Variants in ASPSCR1 observed in about 807,000 individuals in gnomAD.
The protein encoded by ASPSCR1 is tether containing UBX domain for GLUT4.
Under a neutral mutation model 68.9 loss-of-function variants are expected in ASPSCR1, and 55 were observed. The ratio of observed to expected loss-of-function variants is 0.80; its 90% confidence interval spans 0.64 to 1.00. The LOEUF (loss-of-function observed/expected upper bound fraction) is 1.00. ASPSCR1 is among the 50% of genes least tolerant of loss of function. ASPSCR1 has a pLI of 0.00. For missense variants in ASPSCR1, 765 were observed against 762.2 expected (o/e 1.00, Z -0.04); for synonymous variants, 352 against 332.6 (o/e 1.06, Z -0.63).
At chr17:82,010,102 A>T (rs141833216) in intron 9 of ASPSCR1, 2,673 of 208,044 alleles carry the variant, frequency 0.013, 26 homozygotes, top group Middle Eastern at 0.021. Context: ...TTTTTTTTTT[A>T]CTAGAGATGG....
In ASPSCR1 at chr17:81,990,291, G is replaced by A. The variant is rs746600244; in HGVS notation, c.375-4530G>A. On this transcript the variant is annotated intron_variant, in intron 4 of 15. Transcript: ENST00000306739. The surrounding 1 kb of genome is among the most constrained non-coding windows in gnomAD (Gnocchi z 4.1). ...GCATCTCGGTCTGGGCCGGGTCCTC[G>A]TGGACTGGGCGCTCTCCACTCTGCT... is the stretch of plus-strand genomic sequence containing the variant. Among the ~76,000 whole-genome samples, 2 of 152,202 alleles carry A rather than the reference G, an allele frequency of 1.3e-5. No homozygotes were observed. The highest frequency in any genetic ancestry group is 4.8e-5 in the African/African-American group (2 of 41,438).
chr17:82,009,276 C>T (rs1441072278), intron 8 of ASPSCR1, 85 bp downstream of exon 8: 2 of 1,473,038 alleles, frequency 1.4e-6, no homozygotes, highest in Non-Finnish European at 1.8e-6. Context: ...TCCCCAGTGC[C>T]AGCACTGGCT....
rs145675837 is a variant in ASPSCR1, at chr17:81,985,555, T to C, written c.322T>C (p.Phe108Leu). ...CGATGGCTCGAGGTTGCAGGACTCT[T>C]TCTGTTCAGGCCAGACCCTCTGGGA... ...LDDGSRLQDSFCSGQTLWELL... is the reference protein window; with the variant it reads ...LDDGSRLQDSLCSGQTLWELL... The change falls in exon 4 of 16, where the codon TTC (phenylalanine) becomes CTC (leucine). Residue 108 changes from phenylalanine (F) to leucine (L), a missense_variant. Coordinates refer to ENST00000306739, the MANE Select transcript of ASPSCR1 (RefSeq NM_024083.4). 1.0e-4 allele frequency: 167 copies of C among 1,614,070 alleles called. 1 individual carries two copies. The African/African-American group carries it at 2.0e-3, about 19-fold the overall frequency.
At chr17:81,991,749 A>G (rs1233999735) in intron 4 of ASPSCR1, among the ~76,000 whole-genome samples, 1 of 152,216 alleles carries the variant, frequency 6.6e-6, no homozygotes, top group Non-Finnish European at 1.5e-5. Flanking sequence ...GGCCTCCCTG[A>G]GCCCAGTGGC....
intron 4 of ASPSCR1, among the ~76,000 whole-genome samples, chr17:81,993,474 A>G (rs2042238452): frequency 6.6e-6 from 1 of 152,084 alleles, no homozygotes; most frequent in Non-Finnish European, 1.5e-5. Context: ...CGGCCTCCCA[A>G]AGTGCTGGGA....
chr17:82,017,182 G>A (rs2043167720), intron 15 of ASPSCR1, 69 bp downstream of exon 15: 2 of 1,573,074 alleles, frequency 1.3e-6, no homozygotes, highest in African/African-American at 2.7e-5. Flanking sequence ...TGCTGTGGCA[G>A]GGTCAGTGGG....
Position 81,978,453 on chromosome 17 carries a change from G to A in ASPSCR1, c.102+705G>A, listed in dbSNP as rs1353688119. 6 of 152,018 alleles carry A rather than the reference G, an allele frequency of 3.9e-5. No individual in the cohort carries two copies. The East Asian group carries it at 1.2e-3, about 29-fold the overall frequency. 9.4% of individuals were successfully genotyped at this position (152,018 alleles called of 1,614,324 possible). On this transcript the variant is annotated intron_variant, in intron 1 of 15. Coordinates refer to ENST00000306739, the MANE Select transcript of ASPSCR1 (RefSeq NM_024083.4). ...AGGCAGGAGAATGGCGTGAACCTGGGAGGCAGAGCTTGCAGTGAGCCGAGA... is the reference window on the plus strand; with the variant it reads ...AGGCAGGAGAATGGCGTGAACCTGGAAGGCAGAGCTTGCAGTGAGCCGAGA...
intron 3 of ASPSCR1, among the ~76,000 whole-genome samples, chr17:81,984,645 G>C (rs2041905399): frequency 1.3e-5 from 2 of 151,856 alleles, no homozygotes; most frequent in African/African-American, 4.8e-5. Context: ...AGGAATCTGG[G>C]AGCAGCTTAG....
At position 81,996,832 on chromosome 17, in the gene ASPSCR1, CAG is replaced by C. The variant is rs1234373624; in HGVS notation, c.920_921del (p.Gln307ArgfsTer35). 6.2e-7 allele frequency: 1 copy of C among 1,601,930 alleles called. No homozygotes were observed. The highest frequency in any genetic ancestry group is 8.5e-7 in the Non-Finnish European group (1 of 1,175,572). On this transcript the variant is annotated frameshift_variant, in exon 7 of 16. Transcript: ENST00000306739. LOFTEE classifies it high-confidence loss of function. ...GCGGGAGCGGGATCCCCAGCAGGAG[CAG>C]GAGCGGGAGCGGGTAAAAGGGGCTC... is the stretch of plus-strand genomic sequence containing the variant. ...QERERDPQQEQERERPVDREP... is the reference protein window; with the variant it reads ...QERERDPQQEXERERPVDREP...
intron 4 of ASPSCR1, among the ~76,000 whole-genome samples, chr17:81,988,454 C>CAAAA (rs1231233227): frequency 4.2e-5 from 3 of 71,030 alleles, no homozygotes; most frequent in Admixed American, 1.6e-4. Flanking sequence ...GACTCCGTCT[C>CAAAA]AAAAAAAAAA....
chr17:81,996,931 TG>T, intron 7 of ASPSCR1, 85 bp downstream of exon 7: 2 of 1,511,854 alleles, frequency 1.3e-6, no homozygotes, highest in Non-Finnish European at 1.8e-6. Context: ...GTCAGCCTGG[TG>T]GCGTGGCCGT....
rs775850096 is a variant in ASPSCR1, at chr17:82,009,488, A to G, written c.1091A>G (p.Lys364Arg). 5 of 1,577,150 alleles carry G rather than the reference A, an allele frequency of 3.2e-6. 1 individual carries two copies. Among genetic ancestry groups the G allele is most frequent in the East Asian group, 4.7e-5 (2 of 42,542 alleles). The change falls in exon 9 of 16, where the codon AAG becomes AGG. Residue 364 changes from lysine to arginine, a missense_variant and splice_region_variant. Coordinates refer to ENST00000306739, the MANE Select transcript of ASPSCR1 (RefSeq NM_024083.4). ...RRLAQLKSER[K>R]RLEEAPLVTK... ...GTTCCTTCCCCTCCTCACCACAGGA[A>G]GCGCCTGGAAGAAGCCCCCTTGGTG... is the stretch of plus-strand genomic sequence containing the variant.
intron 3 of ASPSCR1, among the ~76,000 whole-genome samples, chr17:81,984,689 G>A (rs953774434): frequency 1.3e-5 from 2 of 151,850 alleles, no homozygotes; most frequent in Non-Finnish European, 2.9e-5. Flanking sequence ...AGTCAGGTTC[G>A]GTGGAGCTGC....
intron 5 of ASPSCR1, 69 bp from the exon 6 acceptor site, chr17:81,995,923 C>T: frequency 6.6e-7 from 1 of 1,507,506 alleles, no homozygotes; most frequent in Non-Finnish European, 9.1e-7. Context: ...GGTGCCGGTG[C>T]CCGGAGGGCT....
intron 4 of ASPSCR1, among the ~76,000 whole-genome samples, chr17:81,989,070 T>C (rs2042083469): frequency 6.6e-6 from 1 of 152,116 alleles, no homozygotes; most frequent in African/African-American, 2.4e-5. Context: ...CAGCTGGGTG[T>C]GGTGGTGAGG....
Position 81,987,572 on chromosome 17 carries a change from G to T in ASPSCR1, c.374+1965G>T, listed in dbSNP as rs539598331. ...GGAGGTAAGGAAATGGCCCAGAGTGGCCTGGGGCTGCCACTGGGGAGGGGC... is the reference window on the plus strand; with the variant it reads ...GGAGGTAAGGAAATGGCCCAGAGTGTCCTGGGGCTGCCACTGGGGAGGGGC... On this transcript the variant is annotated intron_variant, in intron 4 of 15. Transcript: ENST00000306739. This position sits in a 1 kb window ranked among gnomAD's most constrained non-coding sequence, Gnocchi z 5.6. 2.9e-4 allele frequency among the ~76,000 whole-genome samples: 44 copies of T among 152,352 alleles called. No homozygotes were observed. The highest frequency in any genetic ancestry group is 3.4e-3 in the Middle Eastern group (1 of 294).
At chr17:82,002,949 A>G (rs1354076456) in intron 7 of ASPSCR1, among the ~76,000 whole-genome samples, 1 of 151,560 alleles carries the variant, frequency 6.6e-6, no homozygotes, top group African/African-American at 2.4e-5. Flanking sequence ...ATCTCTGCTC[A>G]CTGCAACCTC....
At chr17:81,993,552 C>G (rs905112565) in intron 4 of ASPSCR1, among the ~76,000 whole-genome samples, 1 of 152,206 alleles carries the variant, frequency 6.6e-6, no homozygotes, top group African/African-American at 2.4e-5. Context: ...ATCCCAGGGT[C>G]GGGGCACGGT....
At position 82,010,454 on chromosome 17, in the gene ASPSCR1, G is replaced by A. The variant is rs1197773326; in HGVS notation, c.1171-348G>A. 2.0e-5 allele frequency among the ~76,000 whole-genome samples: 3 copies of A among 151,438 alleles called. No individual in the cohort carries two copies. In the East Asian group the frequency reaches 5.9e-4, roughly 30 times the overall value. On this transcript the variant is annotated intron_variant, in intron 9 of 15. Coordinates refer to ENST00000306739, the MANE Select transcript of ASPSCR1 (RefSeq NM_024083.4). ...TGAGGCAGGAGAAAGGCGTGAACCC[G>A]GGAGGTGGAGCTTACAGTGAGCCGA...
Sources: gnomAD v4.1 joint callset for allele counts (sites outside exome capture counted in the v4.1 genomes callset) on GRCh38, gnomAD v4.1.1 for gene constraint, Gnocchi (gnomAD v3.1) non-coding constraint, MANE v1.5 for transcripts, NCBI Gene and HGNC (gene_info 2026-07-23, HGNC 2026-07-21) for gene names.